PAPLN: variants seen among roughly 807,000 people sequenced by gnomAD.
PAPLN encodes papilin.
A neutral mutation model predicts 159.0 loss-of-function variants in PAPLN; 146 were observed. The ratio of observed to expected loss-of-function variants is 0.92; its 90% confidence interval spans 0.80 to 1.05. The LOEUF (loss-of-function observed/expected upper bound fraction) is 1.05, where lower values mean the gene tolerates loss of function less well. Ranked by LOEUF, PAPLN falls within the 50% of genes least tolerant of loss-of-function variation. The pLI is 0.00. For synonymous variants in PAPLN, 734 were observed against 702.9 expected (o/e 1.04, Z -0.70); for missense variants, 1,720 against 1,743.9 (o/e 0.99, Z 0.24).
chr14:73,266,788 TTG>T lies in PAPLN; in HGVS notation c.3464_3465del (p.Val1155GlyfsTer20). The T allele has an allele frequency of 6.2e-7, 1 of 1,613,716 alleles. No individual in the cohort carries two copies. Among genetic ancestry groups the T allele is most frequent in the Non-Finnish European group, 8.5e-7 (1 of 1,179,848 alleles). ...TVPEGDTARL[L>X]CVVAGESVNI... Reference sequence around the variant, plus strand: ...GCCAGAGGGTGATACGGCCAGGCTATTGTGTGTGGTAGCAGGAGAAAGTGTGA... The same window carrying T: ...GCCAGAGGGTGATACGGCCAGGCTATTGTGTGGTAGCAGGAGAAAGTGTGA... On this transcript the variant is annotated frameshift_variant, in exon 25 of 27. Coordinates refer to ENST00000644200, the MANE Select transcript of PAPLN (RefSeq NM_001365906.3). LOFTEE classifies it high-confidence loss of function.
chr14:73,251,571 G>C lies in PAPLN; in HGVS notation c.670+5G>C. ...CTGCCAGCAGGAACTTCCTGGGTGA[G>C]AGCCTAGGGTTAGGTCCTAGGCAGG... On this transcript the variant is annotated splice_donor_5th_base_variant and intron_variant, in intron 8 of 26. Coordinates refer to ENST00000644200, the MANE Select transcript of PAPLN (RefSeq NM_001365906.3). The C allele has an allele frequency of 6.2e-7, 1 of 1,613,088 alleles. No individual in the cohort carries two copies. The highest frequency in any genetic ancestry group is 8.5e-7 in the Non-Finnish European group (1 of 1,179,908).
In PAPLN at chr14:73,265,666, C is replaced by G. The variant is rs1887145278; in HGVS notation, c.3263+159C>G. On this transcript the variant is annotated intron_variant, in intron 23 of 26. Coordinates refer to ENST00000644200, the MANE Select transcript of PAPLN (RefSeq NM_001365906.3). This position sits in a 1 kb window ranked among gnomAD's most constrained non-coding sequence, Gnocchi z 4.1. ...GATGGAGCAGCTGGGCAAAGGGCTC[C>G]TTGGGTTGGCTAACATTTGAGTCTC... Among the ~76,000 whole-genome samples the G allele has an allele frequency of 6.6e-6, 1 of 152,236 alleles. No individual in the cohort carries two copies. Among genetic ancestry groups the G allele is most frequent in the African/African-American group, 2.4e-5 (1 of 41,458 alleles).
rs934462910 is a variant in PAPLN at position 73,265,179 on chromosome 14, G to A, written c.3126-191G>A. Among the ~76,000 whole-genome samples the A allele has an allele frequency of 1.2e-4, 19 of 152,248 alleles. No homozygotes were observed. The highest frequency in any genetic ancestry group is 7.7e-4 in the East Asian group (4 of 5,170). ...TGGAGGGGCAGGGAGTGGTAGTGGC[G>A]GGGAGGCAGCTTTAGACTTCACCCC... On this transcript the variant is annotated intron_variant, in intron 22 of 26. Transcript: ENST00000644200. This position sits in a 1 kb window ranked among gnomAD's most constrained non-coding sequence, Gnocchi z 4.1.
rs565285194 is a variant in PAPLN at position 73,239,558 on chromosome 14, G to C, written c.-6-215G>C. On this transcript the variant is annotated intron_variant, in intron 1 of 26. Coordinates refer to ENST00000644200, the MANE Select transcript of PAPLN (RefSeq NM_001365906.3). ...TGTTCTTGAACTTCTGCCAGTTGCG[G>C]ATGGGCCATTCCTTTCTTGCTCACA... 22 of 749,034 alleles carry C rather than the reference G, an allele frequency of 2.9e-5. No individual in the cohort carries two copies. The African/African-American group carries it at 4.1e-4, about 14-fold the overall frequency. 46.4% of individuals were successfully genotyped at this position (749,034 alleles called of 1,614,324 possible).
At chr14:73,272,222 T>C in intron 26 of PAPLN, 1 of 328,180 alleles carries the variant, frequency 3.0e-6, no homozygotes, top group Non-Finnish European at 5.5e-6. Flanking sequence ...CAATAAATAT[T>C]TGGGAGTCTA....
intron 6 of PAPLN, among the ~76,000 whole-genome samples, 182 bp from the exon 7 acceptor site, chr14:73,250,725 A>C (rs77145454): frequency 0.082 from 12,487 of 152,212 alleles, 649 homozygotes; most frequent in East Asian, 0.19. Flanking sequence ...GGGAGATGGG[A>C]GCTGAGCAGA....
At chr14:73,254,470 T>G in intron 12 of PAPLN, 43 bp from the exon 13 acceptor site, 1 of 1,603,368 alleles carries the variant, frequency 6.2e-7, no homozygotes, top group Non-Finnish European at 8.5e-7. Context: ...GCGTGGCTCC[T>G]GGGGGCAAGG....
At position 73,246,166 on chromosome 14, in the gene PAPLN, T is replaced by A; in HGVS notation, c.325T>A (p.Tyr109Asn). The change falls in exon 5 of 27, where the codon TAC (tyrosine) becomes AAC (asparagine). Residue 109 changes from tyrosine to asparagine, a missense_variant. Transcript: ENST00000644200. Reference sequence around the variant, plus strand: ...GGGGCGGCGGTATCGGTGGCTGCCCTACTACAGCGGTGAGCGCGGCCGGGA... The same window carrying A: ...GGGGCGGCGGTATCGGTGGCTGCCCAACTACAGCGGTGAGCGCGGCCGGGA... ...FQGRRYRWLP[Y>N]YSAPNKCELN... 1 of 1,583,542 alleles carries A rather than the reference T, an allele frequency of 6.3e-7. No individual in the cohort carries two copies. Among genetic ancestry groups the A allele is most frequent in the South Asian group, 1.1e-5 (1 of 87,798 alleles).
Position 73,262,637 on chromosome 14 carries a change from GC to G in PAPLN, c.2535del (p.Ala846ArgfsTer118). The G allele has an allele frequency of 6.6e-7, 1 of 1,516,714 alleles. No homozygotes were observed. The highest frequency in any genetic ancestry group is 8.9e-7 in the Non-Finnish European group (1 of 1,127,900). 94.0% of individuals were successfully genotyped at this position (1,516,714 alleles called of 1,614,324 possible). On this transcript the variant is annotated frameshift_variant, in exon 19 of 27. Transcript: ENST00000644200. LOFTEE classifies it high-confidence loss of function. ...EQEPSQHRTGAAVQRKPWPSG... is the reference protein window; with the variant it reads ...EQEPSQHRTGXAVQRKPWPSG... ...GGAACCCAGCCAGCACAGGACAGGG[GC>G]CGCGGTGCAGAGAAAGCCCTGGCCT... is the stretch of plus-strand genomic sequence containing the variant.
Position 73,254,575 on chromosome 14 carries a change from T to A in PAPLN, c.1365T>A (p.Gly455=), listed in dbSNP as rs767096462. The part of the protein sequence containing the change: ...KRSVTCRGER[G]SLLHTAACSL... The stretch of plus-strand genomic sequence containing the variant: ...GCGTTACTTGCCGGGGTGAAAGGGG[T>A]TCTTTGCTCCATACCGCAGCGTGCT... Residue 455 remains glycine (G), a synonymous_variant, in exon 13 of 27, where the codon GGT becomes GGA. Transcript: ENST00000644200. 1.4e-5 allele frequency: 22 copies of A among 1,613,892 alleles called. No homozygotes were observed. In the East Asian group the frequency reaches 4.9e-4, roughly 36 times the overall value.
chr14:73,258,121 T>C (rs931755657), intron 14 of PAPLN, among the ~76,000 whole-genome samples: 2 of 152,198 alleles, frequency 1.3e-5, no homozygotes, highest in African/African-American at 4.8e-5. Context: ...AAATATGGAA[T>C]TTTTTTATGG....
intron 14 of PAPLN, among the ~76,000 whole-genome samples, chr14:73,257,915 T>A (rs1015854320): frequency 6.6e-6 from 1 of 152,044 alleles, no homozygotes; most frequent in Admixed American, 6.6e-5. Context: ...AGGTGTGTGC[T>A]ACTGCGCCCA....
At chr14:73,271,379 G>A (rs891376798) in intron 26 of PAPLN, among the ~76,000 whole-genome samples, 10 of 152,154 alleles carry the variant, frequency 6.6e-5, no homozygotes, top group African/African-American at 2.4e-4. Context: ...GTAAACAAGG[G>A]GAGAGAGAAA....
chr14:73,266,862 C>T, intron 25 of PAPLN, 31 bp downstream of exon 25: 1 of 1,572,978 alleles, frequency 6.4e-7, no homozygotes. Context: ...TGTCCCTGTC[C>T]CCAGACCTTC....
At chr14:73,261,699 G>A (rs920170743) in intron 18 of PAPLN, among the ~76,000 whole-genome samples, 4 of 152,246 alleles carry the variant, frequency 2.6e-5, no homozygotes, top group African/African-American at 9.6e-5. Context: ...TAGGGGTCAG[G>A]GAGGTCTTTG....
Position 73,250,993 on chromosome 14 carries a change from C to A in PAPLN, c.552C>A (p.Pro184=). The A allele has an allele frequency of 6.2e-7, 1 of 1,613,530 alleles. No homozygotes were observed. The highest frequency in any genetic ancestry group is 8.5e-7 in the Non-Finnish European group (1 of 1,179,812). The part of the protein sequence containing the change: ...RCGGDGTTCY[P]VAGTFDANDL... The stretch of plus-strand genomic sequence containing the variant: ...GGGGTGACGGCACGACCTGCTACCC[C>A]GTCGCAGGCACCTTTGACGCTAATG... The change falls in exon 7 of 27, where the codon CCC becomes CCA. Residue 184 remains proline (P), a synonymous_variant. Transcript: ENST00000644200.
intron 26 of PAPLN, among the ~76,000 whole-genome samples, chr14:73,270,715 C>G (rs1887641547): frequency 6.6e-6 from 1 of 152,194 alleles, no homozygotes; most frequent in Non-Finnish European, 1.5e-5. Flanking sequence ...GAAAACCAAA[C>G]TACAATGAGA....
rs1215083568 is a variant in PAPLN, at chr14:73,254,560, C to T, written c.1350C>T (p.Cys450=). The T allele has an allele frequency of 1.2e-6, 2 of 1,613,898 alleles. No homozygotes were observed. The highest frequency in any genetic ancestry group is 1.7e-6 in the Non-Finnish European group (2 of 1,179,900). ...GCGTCCGGAAGCGGAGCGTTACTTG[C>T]CGGGGTGAAAGGGGTTCTTTGCTCC... ...GVGVRKRSVT[C]RGERGSLLHT... is the part of the protein sequence containing the mutation. The change falls in exon 13 of 27, where the codon TGC becomes TGT. Residue 450 remains cysteine, a synonymous_variant. Transcript: ENST00000644200.
chr14:73,246,051 C>T (rs903635292), intron 4 of PAPLN, 22 bp from the exon 5 acceptor site: 6 of 1,519,056 alleles, frequency 3.9e-6, no homozygotes, highest in Non-Finnish European at 4.4e-6. Flanking sequence ...TCCTGGATCC[C>T]GACTTCCCCT....
Sources: gnomAD v4.1 joint callset for allele counts (sites outside exome capture counted in the v4.1 genomes callset) on GRCh38, gnomAD v4.1.1 for gene constraint, Gnocchi (gnomAD v3.1) non-coding constraint, MANE v1.5 for transcripts, NCBI Gene and HGNC (gene_info 2026-07-23, HGNC 2026-07-21) for gene names.